Variants in PDE2A observed in about 807,000 individuals in gnomAD.
The protein encoded by PDE2A is phosphodiesterase 2A.
Under a neutral mutation model 133.6 loss-of-function variants are expected in PDE2A, and 53 were observed. That is an observed-to-expected ratio of 0.40 (90% CI 0.32 to 0.50). The LOEUF is 0.50. Among genes scored for constraint, PDE2A ranks in the 20% least tolerant of loss-of-function variants. The probability of loss-of-function intolerance (pLI) is 0.73; values close to 1 mark genes in which losing one functional copy is unlikely to be tolerated. For synonymous variants in PDE2A, 491 were observed against 490.2 expected (o/e 1.00, Z -0.02); for missense variants, 796 against 1,232.4 (o/e 0.65, Z 5.30).
intron 2 of PDE2A, among the ~76,000 whole-genome samples, chr11:72,635,581 A>G (rs1450839920): frequency 6.6e-6 from 1 of 152,200 alleles, no homozygotes; most frequent in Admixed American, 6.5e-5. Flanking sequence ...GAATGCTAGA[A>G]TTGTCCCAGT....
chr11:72,617,188 G>T (rs902335126), intron 2 of PDE2A, among the ~76,000 whole-genome samples: 6 of 152,230 alleles, frequency 3.9e-5, no homozygotes, highest in Non-Finnish European at 1.5e-5. Flanking sequence ...CCAGAGACTG[G>T]GTCTCTTATG....
At chr11:72,660,889 G>A (rs940218740) in intron 1 of PDE2A, among the ~76,000 whole-genome samples, 1 of 152,042 alleles carries the variant, frequency 6.6e-6, no homozygotes, top group Non-Finnish European at 1.5e-5. Flanking sequence ...AAGGGGCAAG[G>A]CCAGCTCTGG....
At chr11:72,632,945 A>G (rs961678316) in intron 2 of PDE2A, among the ~76,000 whole-genome samples, 2 of 152,050 alleles carry the variant, frequency 1.3e-5, no homozygotes, top group Admixed American at 1.3e-4. Flanking sequence ...GGGGATTCTT[A>G]GCTAGGTATT....
chr11:72,607,479 G>C (rs1199421593), intron 3 of PDE2A, among the ~76,000 whole-genome samples: 1 of 152,012 alleles, frequency 6.6e-6, no homozygotes, highest in Non-Finnish European at 1.5e-5. Context: ...TTTATTTTTG[G>C]GCGCCAACAC....
At position 72,591,332 on chromosome 11, in the gene PDE2A, T is replaced by C; in HGVS notation, c.514A>G (p.Asn172Asp). Residue 172 changes from asparagine to aspartate, a missense_variant, in exon 7 of 31, where the codon AAT (asparagine) becomes GAT (aspartate). This residue lies in a region of PDE2A where 417 missense variants were observed against 475.3 expected (regional missense o/e 0.88). Coordinates refer to ENST00000334456, the MANE Select transcript of PDE2A (RefSeq NM_002599.5). ...ACCGCCTGCAGGCTCCATTCCTCAT[T>C]ATCACTCAGCTGGCCACAGTGCACC... is the stretch of plus-strand genomic sequence containing the variant. ...ILVHCGQLSDNEEWSLQAVEK... is the reference protein window; with the variant it reads ...ILVHCGQLSDDEEWSLQAVEK... 6.2e-7 allele frequency: 1 copy of C among 1,613,826 alleles called. No homozygotes were observed. Among genetic ancestry groups the C allele is most frequent in the Non-Finnish European group, 8.5e-7 (1 of 1,179,776 alleles).
Position 72,642,287 on chromosome 11 carries a change from C to T in PDE2A, c.111G>A (p.Pro37=), listed in dbSNP as rs775409292. 11 of 1,520,132 alleles carry T rather than the reference C, an allele frequency of 7.2e-6. No homozygotes were observed. The African/African-American group carries it at 1.1e-4, about 16-fold the overall frequency. The allele number at this position is 1,520,132 out of a possible 1,614,324, so 94.2% of individuals were successfully genotyped here. Residue 37 remains proline, a synonymous_variant, in exon 2 of 31, where the codon CCG becomes CCA. Transcript: ENST00000334456. ...QQVFLKPDEP[P]PPPQPCADSL... ...TGTCGGCGCATGGCTGCGGCGGCGGCGGCGGCTCGTCCGGCTTGAGGAAGA... is the reference window on the plus strand; with the variant it reads ...TGTCGGCGCATGGCTGCGGCGGCGGTGGCGGCTCGTCCGGCTTGAGGAAGA...
In PDE2A at chr11:72,576,193, C is replaced by T. The variant is rs1855468882; in HGVS notation, c.*1191G>A. 6.6e-6 allele frequency: 1 copy of T among 152,466 alleles called. No individual in the cohort carries two copies. The highest frequency in any genetic ancestry group is 2.4e-5 in the African/African-American group (1 of 41,430). The allele number at this position is 152,466 out of a possible 1,614,324, so 9.4% of individuals were successfully genotyped here. A position where few individuals can be genotyped will look rare whatever the true frequency, so the allele number is the denominator to read the frequency against. On this transcript the variant is annotated 3_prime_UTR_variant, in exon 31 of 31. Transcript: ENST00000334456. ...TGTACAAAGCGGTCAGCCCACGGGA[C>T]CATATACGACAGTTGCACAGAGTCC...
chr11:72,631,722 G>A (rs950263020), intron 2 of PDE2A, among the ~76,000 whole-genome samples: 3 of 151,928 alleles, frequency 2.0e-5, no homozygotes, highest in South Asian at 2.1e-4. Flanking sequence ...CACAGTTCCC[G>A]GAATGCTAGC....
chr11:72,618,720 T>A (rs1052825430), intron 2 of PDE2A, among the ~76,000 whole-genome samples: 2 of 152,118 alleles, frequency 1.3e-5, no homozygotes, highest in Non-Finnish European at 2.9e-5. Context: ...ATTTTTCAGA[T>A]GAGAGAGCCA....
intron 2 of PDE2A, among the ~76,000 whole-genome samples, chr11:72,622,907 TA>T (rs1375572394): frequency 5.3e-5 from 8 of 152,042 alleles, no homozygotes; most frequent in Admixed American, 4.6e-4. Context: ...AAAGAACAGA[TA>T]GGGGGCAAGA....
intron 12 of PDE2A, 119 bp downstream of exon 12, chr11:72,589,056 G>A: frequency 1.6e-6 from 2 of 1,223,336 alleles, no homozygotes; most frequent in East Asian, 2.4e-5. Context: ...TGGGACAGTA[G>A]AAAGTCCCCA....
chr11:72,598,440 T>C, intron 4 of PDE2A: 2 of 1,155,756 alleles, frequency 1.7e-6, no homozygotes, highest in Non-Finnish European at 2.3e-6. Context: ...AATGAGTTTC[T>C]CTCTGTCCCA....
At chr11:72,587,230 A>T (rs1030485123) in intron 13 of PDE2A, among the ~76,000 whole-genome samples, 1 of 152,192 alleles carries the variant, frequency 6.6e-6, no homozygotes, top group Non-Finnish European at 1.5e-5. Context: ...TACAGAGGAA[A>T]CACTTCGGAG....
In PDE2A at chr11:72,578,622, C is replaced by T. The variant is rs1040877317; in HGVS notation, c.2470-108G>A. The T allele has an allele frequency of 4.2e-5, 42 of 1,006,232 alleles. No individual in the cohort carries two copies. The highest frequency in any genetic ancestry group is 3.1e-5 in the Non-Finnish European group (20 of 643,256). The allele number at this position is 1,006,232 out of a possible 1,614,324, so 62.3% of individuals were successfully genotyped here. A position where few individuals can be genotyped will look rare whatever the true frequency, so the allele number is the denominator to read the frequency against. On this transcript the variant is annotated intron_variant, in intron 28 of 30. Coordinates refer to ENST00000334456, the MANE Select transcript of PDE2A (RefSeq NM_002599.5). The surrounding 1 kb of genome is among the most constrained non-coding windows in gnomAD (Gnocchi z 4.2). The stretch of plus-strand genomic sequence containing the variant: ...AAACTGAGGCCCAGGGATTCAGTCC[C>T]AGCTCAGGAGCCGTCCCCACCAGCC...
chr11:72,608,683 C>T lies in PDE2A; in HGVS notation c.213G>A (p.Leu71=), dbSNP rs772749422. 6.4e-7 allele frequency: 1 copy of T among 1,571,322 alleles called. No individual in the cohort carries two copies. The highest frequency in any genetic ancestry group is 8.6e-7 in the Non-Finnish European group (1 of 1,156,220). The part of the protein sequence containing the change: ...SGLQRAVKEA[L]SAVLPRVETV... ...CTACCACTCGGGGGAGCACAGCTGA[C>T]AGGGCCTCCTTGACAGCACGTTGCA... Residue 71 remains leucine, a synonymous_variant, in exon 3 of 31, where the codon CTG becomes CTA. Transcript: ENST00000334456.
chr11:72,642,282 G>A lies in PDE2A; in HGVS notation c.116C>T (p.Pro39Leu), dbSNP rs550495362. The A allele has an allele frequency of 1.4e-5, 21 of 1,518,688 alleles. 1 individual carries two copies. In the South Asian group the frequency reaches 2.3e-4, roughly 17 times the overall value. The allele number at this position is 1,518,688 out of a possible 1,614,324, so 94.1% of individuals were successfully genotyped here. A position where few individuals can be genotyped will look rare whatever the true frequency, so the allele number is the denominator to read the frequency against. The change falls in exon 2 of 31, where the codon CCG becomes CTG. Residue 39 changes from proline (P) to leucine (L), a missense_variant. Pro to Leu is a moderately conservative substitution (Grantham distance 98). This residue lies in a region of PDE2A where 417 missense variants were observed against 475.3 expected (regional missense o/e 0.88). Transcript: ENST00000334456. The stretch of plus-strand genomic sequence containing the variant: ...CAGGCTGTCGGCGCATGGCTGCGGC[G>A]GCGGCGGCGGCTCGTCCGGCTTGAG... Reference protein sequence around the residue: ...VFLKPDEPPPPPQPCADSLQD... With the variant: ...VFLKPDEPPPLPQPCADSLQD...
intron 6 of PDE2A, among the ~76,000 whole-genome samples, chr11:72,593,680 A>T (rs1423097146): frequency 1.3e-5 from 2 of 152,200 alleles, no homozygotes. Context: ...AGGATTAAGG[A>T]ACAGAGCCAA....
chr11:72,658,826 G>T (rs955025609), intron 1 of PDE2A, among the ~76,000 whole-genome samples: 9 of 151,790 alleles, frequency 5.9e-5, no homozygotes, highest in African/African-American at 1.9e-4. Context: ...GCCTTTGTGG[G>T]CTTTTGGTCT....
At chr11:72,625,576 G>C (rs1034503158) in intron 2 of PDE2A, among the ~76,000 whole-genome samples, 9 of 152,164 alleles carry the variant, frequency 5.9e-5, no homozygotes, top group African/African-American at 2.2e-4. Flanking sequence ...GCCTGAGGAG[G>C]GGACACCAGG....
Sources: gnomAD v4.1 joint callset for allele counts (sites outside exome capture counted in the v4.1 genomes callset) on GRCh38, gnomAD v4.1.1 for gene constraint, gnomAD v4.1.1 regional missense constraint, Gnocchi (gnomAD v3.1) non-coding constraint, MANE v1.5 for transcripts, NCBI Gene and HGNC (gene_info 2026-07-23, HGNC 2026-07-21) for gene names.